The following SOHLH2 variants were observed in gnomAD, a reference collection of about 807,000 sequenced individuals.
SOHLH2 encodes the protein spermatogenesis- and oogenesis-specific basic helix-loop-helix-containing protein 2.
A neutral mutation model predicts 50.4 loss-of-function variants in SOHLH2; 22 were observed. The observed-to-expected ratio is 0.44, with a 90% CI of 0.31 to 0.62. The LOEUF (loss-of-function observed/expected upper bound fraction) is 0.62. SOHLH2 is among the 20% of genes least tolerant of loss of function. SOHLH2 has a pLI of 0.08. For synonymous variants in SOHLH2, 185 were observed against 187.3 expected (o/e 0.99, Z 0.10); for missense variants, 412 against 504.4 (o/e 0.82, Z 1.76).
At chr13:36,197,374 A>G (rs1404546425) in intron 2 of SOHLH2, among the ~76,000 whole-genome samples, 1 of 152,076 alleles carries the variant, frequency 6.6e-6, no homozygotes, top group Admixed American at 6.5e-5. Flanking sequence ...TCTTGCCCCC[A>G]TCCCCGGATC....
At chr13:36,199,575 C>T (rs574379027) in intron 2 of SOHLH2, among the ~76,000 whole-genome samples, 1 of 152,216 alleles carries the variant, frequency 6.6e-6, no homozygotes, top group African/African-American at 2.4e-5. Flanking sequence ...CAAATGATTT[C>T]TTTTAAGGCA....
chr13:36,170,246 G>A (rs1886925324), intron 10 of SOHLH2, among the ~76,000 whole-genome samples: 2 of 152,112 alleles, frequency 1.3e-5, no homozygotes, highest in Non-Finnish European at 2.9e-5. Context: ...AGAGGGGTGG[G>A]CAATCAGTGC....
chr13:36,203,958 T>G (rs1446223423), intron 1 of SOHLH2, among the ~76,000 whole-genome samples: 1 of 33,960 alleles, frequency 2.9e-5, no homozygotes, highest in African/African-American at 1.0e-4. Flanking sequence ...TTTTTTGTTT[T>G]TTTTTTTTTT....
chr13:36,203,442 G>A (rs1214369083), intron 1 of SOHLH2, among the ~76,000 whole-genome samples: 4 of 152,098 alleles, frequency 2.6e-5, no homozygotes, highest in South Asian at 2.1e-4. Flanking sequence ...CCTTATTTTC[G>A]ATGATGACAA....
chr13:36,214,474 C>G lies in SOHLH2; in HGVS notation c.48+5G>C, dbSNP rs1189694634. ...GCAGCTGCCTCCCCTTCCACAGCCT[C>G]TTACCTGGCCCGAGATCTGGCAGTG... On this transcript the variant is annotated splice_donor_5th_base_variant and intron_variant, in intron 1 of 10. Coordinates refer to ENST00000379881, the MANE Select transcript of SOHLH2 (RefSeq NM_017826.3). 3 of 1,612,862 alleles carry G rather than the reference C, an allele frequency of 1.9e-6. No individual in the cohort carries two copies. The South Asian group carries it at 3.3e-5, about 18-fold the overall frequency.
Position 36,173,772 on chromosome 13 carries a change from C to G in SOHLH2, c.920G>C (p.Gly307Ala). The change falls in exon 9 of 11, where the codon GGG becomes GCG. Residue 307 changes from glycine (G) to alanine (A), a missense_variant. By Grantham distance (60) the Gly-to-Ala change is moderately conservative. Transcript: ENST00000379881. ...GCACGTATTAGTCAGGAATTGGAGCCCTCTCTCAGGGGAGTAAGTGCTCAT... is the reference window on the plus strand; with the variant it reads ...GCACGTATTAGTCAGGAATTGGAGCGCTCTCTCAGGGGAGTAAGTGCTCAT... Reference protein sequence around the residue: ...SVMSTYSPERGLQFLTNTCWN... With the variant: ...SVMSTYSPERALQFLTNTCWN... 2.5e-6 allele frequency: 4 copies of G among 1,614,022 alleles called. No individual in the cohort carries two copies. The highest frequency in any genetic ancestry group is 3.4e-6 in the Non-Finnish European group (4 of 1,180,028).
In SOHLH2 at chr13:36,168,983, T is replaced by C; in HGVS notation, c.*51A>G. On this transcript the variant is annotated 3_prime_UTR_variant, in exon 11 of 11. Transcript: ENST00000379881. ...TCTTTGTTCCACTTTTCCTAGATTG[T>C]CAAACTGCGCCCAGTAGGTGGTTGA... is the stretch of plus-strand genomic sequence containing the variant. The C allele has an allele frequency of 6.3e-7, 1 of 1,581,238 alleles. No individual in the cohort carries two copies. The highest frequency in any genetic ancestry group is 8.6e-7 in the Non-Finnish European group (1 of 1,167,380).
chr13:36,210,835 A>G (rs1278366911), intron 1 of SOHLH2, among the ~76,000 whole-genome samples: 1 of 150,266 alleles, frequency 6.7e-6, no homozygotes, highest in Non-Finnish European at 1.5e-5. Flanking sequence ...TGAGCTTTGA[A>G]ATATGTAATT....
chr13:36,185,998 A>G (rs924198905), intron 6 of SOHLH2, among the ~76,000 whole-genome samples: 17 of 152,244 alleles, frequency 1.1e-4, no homozygotes, highest in Admixed American at 1.0e-3. Context: ...TTATATGACC[A>G]GTATGAGATA....
In SOHLH2 at chr13:36,173,893, T is replaced by C. The variant is rs1433133284; in HGVS notation, c.882-83A>G. 3.3e-6 allele frequency: 5 copies of C among 1,495,462 alleles called. No individual in the cohort carries two copies. The African/African-American group carries it at 5.5e-5, about 17-fold the overall frequency. 92.6% of individuals were successfully genotyped at this position (1,495,462 alleles called of 1,614,324 possible). A position where few individuals can be genotyped will look rare whatever the true frequency, so the allele number is the denominator to read the frequency against. ...GCTGAGTTCAATTGCCCTTTTATCA[T>C]TCAAGTTCTAAAAACACTGATAAAG... On this transcript the variant is annotated intron_variant, in intron 8 of 10. Coordinates refer to ENST00000379881, the MANE Select transcript of SOHLH2 (RefSeq NM_017826.3).
At position 36,182,232 on chromosome 13, in the gene SOHLH2, A is replaced by G. The variant is rs1887277887; in HGVS notation, c.642-7363T>C. The G allele has an allele frequency of 1.0e-5, 10 of 985,316 alleles. No homozygotes were observed. The Admixed American group carries it at 6.1e-4, about 61-fold the overall frequency. 61.0% of individuals were successfully genotyped at this position (985,316 alleles called of 1,614,324 possible). On this transcript the variant is annotated intron_variant, in intron 6 of 10. Coordinates refer to ENST00000379881, the MANE Select transcript of SOHLH2 (RefSeq NM_017826.3). ...CATGGGGAGAGAATTTTTGCAACTCAGACAAAATCTTGTATACAGTGAAGA... is the reference window on the plus strand; with the variant it reads ...CATGGGGAGAGAATTTTTGCAACTCGGACAAAATCTTGTATACAGTGAAGA...
intron 8 of SOHLH2, 64 bp downstream of exon 8, chr13:36,174,412 T>C (rs2138269165): frequency 6.3e-7 from 1 of 1,599,598 alleles, no homozygotes. Context: ...TGTGTACATA[T>C]TTAGCATCAA....
intron 2 of SOHLH2, among the ~76,000 whole-genome samples, chr13:36,195,805 G>A (rs1008547022): frequency 3.9e-5 from 6 of 152,198 alleles, no homozygotes; most frequent in Non-Finnish European, 8.8e-5. Flanking sequence ...ATTCAGACTT[G>A]ATTCTGTGCT....
At chr13:36,195,057 A>G (rs1435710312) in intron 2 of SOHLH2, among the ~76,000 whole-genome samples, 1 of 152,192 alleles carries the variant, frequency 6.6e-6, no homozygotes, top group Non-Finnish European at 1.5e-5. Flanking sequence ...AAACAGACAG[A>G]CAAGGTTCCT....
intron 1 of SOHLH2, among the ~76,000 whole-genome samples, chr13:36,211,835 A>G (rs975217305): frequency 7.9e-5 from 12 of 152,208 alleles, no homozygotes; most frequent in African/African-American, 2.9e-4. Flanking sequence ...CGTCAAATCA[A>G]CCTAGCAGGG....
At chr13:36,207,598 G>A (rs1487329531) in intron 1 of SOHLH2, among the ~76,000 whole-genome samples, 1 of 152,108 alleles carries the variant, frequency 6.6e-6, no homozygotes, top group East Asian at 1.9e-4. Context: ...TATTAGCATA[G>A]TACTATTAGC....
At chr13:36,188,843 T>C (rs1250297159) in intron 6 of SOHLH2, among the ~76,000 whole-genome samples, 1 of 152,184 alleles carries the variant, frequency 6.6e-6, no homozygotes, top group African/African-American at 2.4e-5. Context: ...TCCATCCCTA[T>C]GTCCACTGCT....
At chr13:36,175,937 T>C (rs963073754) in intron 6 of SOHLH2, among the ~76,000 whole-genome samples, 10 of 152,088 alleles carry the variant, frequency 6.6e-5, no homozygotes, top group African/African-American at 2.2e-4. Flanking sequence ...CAAGGATCCG[T>C]CCTGAGGAGT....
chr13:36,208,994 C>A (rs1868944689), intron 1 of SOHLH2, among the ~76,000 whole-genome samples: 1 of 152,164 alleles, frequency 6.6e-6, no homozygotes, highest in African/African-American at 2.4e-5. Context: ...AAGTATATAT[C>A]TTATTCATCC....
Sources: allele counts gnomAD v4.1 joint callset (sites outside exome capture counted in the v4.1 genomes callset), GRCh38; gene constraint gnomAD v4.1.1; transcripts MANE v1.5; gene names NCBI Gene and HGNC (gene_info 2026-07-23, HGNC 2026-07-21).